The following DNAH3 variants were observed in gnomAD, a reference collection of about 807,000 sequenced individuals.
The protein encoded by DNAH3 is axonemal beta dynein heavy chain 3.
DNAH3 carries 332 observed loss-of-function variants against 432.5 expected under a neutral mutation model. The observed-to-expected ratio is 0.77, with a 90% CI of 0.70 to 0.84. The LOEUF is 0.84. Among genes scored for constraint, DNAH3 ranks in the 40% least tolerant of loss-of-function variants. The pLI, the probability that DNAH3 is intolerant of heterozygous loss-of-function variation, is 0.00. For missense variants in DNAH3, 4,861 were observed against 5,114.0 expected, an observed-to-expected ratio of 0.95 and a Z score of 1.51; for synonymous variants, 1,956 against 1,900.2, an observed-to-expected ratio of 1.03 and a Z score of -0.76.
At chr16:21,109,152 GA>G (rs2092014459) in intron 14 of DNAH3, among the ~76,000 whole-genome samples, 1 of 150,442 alleles carries the variant, frequency 6.6e-6, no homozygotes, top group East Asian at 1.9e-4. Context: ...AGAAAGAAAA[GA>G]AAAAGAAAAA....
chr16:21,070,349 C>T (rs2090736488), intron 22 of DNAH3, among the ~76,000 whole-genome samples: 1 of 152,114 alleles, frequency 6.6e-6, no homozygotes, highest in African/African-American at 2.4e-5. Flanking sequence ...ATGGCGCGAT[C>T]TCGGCTCACT....
At position 21,143,967 on chromosome 16, in the gene DNAH3, AACTC is replaced by A. The variant is rs532159565; in HGVS notation, c.448+1210_448+1213del. 3.9e-3 allele frequency among the ~76,000 whole-genome samples: 590 copies of A among 152,344 alleles called. 7 individuals are homozygous for A. Among genetic ancestry groups the A allele is most frequent in the Non-Finnish European group, 3.5e-3 (239 of 68,032 alleles). Reference sequence around the variant, plus strand: ...AGTAAATTGGAAGATGTAATTAAGAAACTCACCCAGACGTAGCACAGAGAAAACA... The same window carrying A: ...AGTAAATTGGAAGATGTAATTAAGAAACCCAGACGTAGCACAGAGAAAACA... On this transcript the variant is annotated intron_variant, in intron 3 of 61. Transcript: ENST00000261383.
chr16:21,000,261 GA>G lies in DNAH3; in HGVS notation c.6383del (p.Phe2128SerfsTer5), dbSNP rs1567614939. On this transcript the variant is annotated frameshift_variant, in exon 43 of 62. Coordinates refer to ENST00000261383, the Ensembl canonical transcript of DNAH3. LOFTEE classifies it high-confidence loss of function. ...CTGCTTTCTTCCCTATGGGAGGCCC[GA>G]AAAGGCCCTTCCGTCGTCGATCCAG... The G allele has an allele frequency of 1.2e-5, 19 of 1,614,058 alleles. No homozygotes were observed. Among genetic ancestry groups the G allele is most frequent in the Non-Finnish European group, 1.6e-5 (19 of 1,179,996 alleles).
At chr16:20,968,781 A>C in intron 52 of DNAH3, among the ~76,000 whole-genome samples, 4 of 143,340 alleles carry the variant, frequency 2.8e-5, no homozygotes, top group African/African-American at 7.9e-5. Context: ...CTCCTGCTCC[A>C]CCCCACCCCT....
At chr16:21,022,237 T>A in intron 39 of DNAH3, 137 bp from the exon 40 acceptor site, 2 of 854,338 alleles carry the variant, frequency 2.3e-6, no homozygotes, top group Non-Finnish European at 3.6e-6. Context: ...GGGGAAAACT[T>A]ATAGGCAACA....
At chr16:21,016,162 T>G (rs1012894950) in intron 41 of DNAH3, among the ~76,000 whole-genome samples, 6 of 152,176 alleles carry the variant, frequency 3.9e-5, no homozygotes, top group Non-Finnish European at 5.9e-5. Context: ...AAGGGAAGTT[T>G]AGCAACCAAA....
At position 21,049,685 on chromosome 16, in the gene DNAH3, AGAAAG is replaced by A; in HGVS notation, c.4348-8_4348-4del. The stretch of plus-strand genomic sequence containing the variant: ...TCGGAGCAGTTGAAGACCACACACT[AGAAAG>A]AGGGAGGATGTGGGTATCATTCAGG... On this transcript the variant is annotated splice_polypyrimidine_tract_variant and splice_region_variant and intron_variant, in intron 30 of 61. Transcript: ENST00000261383. The A allele has an allele frequency of 1.2e-6, 2 of 1,612,292 alleles. No homozygotes were observed. The highest frequency in any genetic ancestry group is 1.7e-6 in the Non-Finnish European group (2 of 1,178,280).
At chr16:21,093,064 A>C (rs2091584155) in intron 18 of DNAH3, among the ~76,000 whole-genome samples, 1 of 152,120 alleles carries the variant, frequency 6.6e-6, no homozygotes, top group South Asian at 2.1e-4. Flanking sequence ...CAATAACAAC[A>C]ACAATAGCCA....
At chr16:21,080,040 T>A (rs1181539435) in intron 20 of DNAH3, among the ~76,000 whole-genome samples, 1 of 152,232 alleles carries the variant, frequency 6.6e-6, no homozygotes, top group Non-Finnish European at 1.5e-5. Flanking sequence ...TTCTCGCCTG[T>A]AATCCCAGCA....
chr16:21,037,806 A>C, exon 34 of DNAH3: 1 of 1,614,188 alleles, frequency 6.2e-7, no homozygotes, highest in South Asian at 1.1e-5. Flanking sequence ...CCAGATTGAC[A>C]TCAAGCAATG....
At chr16:21,143,144 G>A (rs557780745) in intron 3 of DNAH3, among the ~76,000 whole-genome samples, 2 of 152,268 alleles carry the variant, frequency 1.3e-5, no homozygotes, top group South Asian at 4.1e-4. Context: ...TGAAACCTGG[G>A]AAGCAATAGC....
intron 61 of DNAH3, among the ~76,000 whole-genome samples, chr16:20,933,996 G>GT (rs1175731004): frequency 2.0e-5 from 3 of 152,144 alleles, no homozygotes; most frequent in Non-Finnish European, 2.9e-5. Flanking sequence ...TCCTGAAAAT[G>GT]TAACAGTTGG....
chr16:20,985,305 C>T, exon 48 of DNAH3: 2 of 1,614,180 alleles, frequency 1.2e-6, no homozygotes, highest in Non-Finnish European at 1.7e-6. Context: ...CCACACCGAC[C>T]TGCAGTATGA....
At chr16:21,080,108 C>A (rs770962152) in intron 20 of DNAH3, among the ~76,000 whole-genome samples, 18 of 143,152 alleles carry the variant, frequency 1.3e-4, no homozygotes, top group Non-Finnish European at 2.4e-4. Context: ...GCCAGCCTGG[C>A]CAATGTGGTG....
intron 20 of DNAH3, 80 bp from the exon 21 acceptor site, chr16:21,075,641 G>GA: frequency 2.7e-6 from 3 of 1,092,750 alleles, no homozygotes; most frequent in Non-Finnish European, 4.2e-6. Flanking sequence ...GGCCAGGCAT[G>GA]GTGGCTCATG....
At chr16:21,098,438 CAAAAAAA>C (rs57032212) in intron 17 of DNAH3, among the ~76,000 whole-genome samples, 171 bp downstream of exon 17, 3 of 62,888 alleles carry the variant, frequency 4.8e-5, no homozygotes, top group African/African-American at 1.0e-4. Context: ...GACCTTGTCT[CAAAAAAA>C]AAAAAAAAAA....
intron 1 of DNAH3, among the ~76,000 whole-genome samples, chr16:21,154,610 C>T (rs1567888332): frequency 6.6e-6 from 1 of 152,154 alleles, no homozygotes; most frequent in Non-Finnish European, 1.5e-5. Flanking sequence ...GACATCATGT[C>T]TTTGAATCTT....
chr16:21,054,910 T>C (rs2090079927), intron 27 of DNAH3, among the ~76,000 whole-genome samples: 1 of 152,124 alleles, frequency 6.6e-6, no homozygotes, highest in South Asian at 2.1e-4. Flanking sequence ...ATATATTGAT[T>C]GTGATGGCCT....
chr16:20,959,525 TTTGGGAGGCCGAG>T (rs1567529412), intron 53 of DNAH3, 121 bp from the exon 54 acceptor site: 2 of 969,296 alleles, frequency 2.1e-6, no homozygotes, highest in Non-Finnish European at 3.1e-6. Context: ...ATCCCAACAC[TTTGGGAGGCCGAG>T]GTGGGAGGAT....
Sources: gnomAD v4.1 joint callset for allele counts (sites outside exome capture counted in the v4.1 genomes callset) on GRCh38, gnomAD v4.1.1 for gene constraint, MANE v1.5 for transcripts, NCBI Gene and HGNC (gene_info 2026-07-23, HGNC 2026-07-21) for gene names.